The following LRRC7 variants were observed in gnomAD, a reference collection of about 807,000 sequenced individuals.
LRRC7 encodes the protein leucine-rich repeat-containing protein 7.
In LRRC7, 23 loss-of-function variants were observed where a neutral mutation model predicts 175.7. The observed-to-expected ratio is 0.13, with a 90% CI of 0.09 to 0.19. The LOEUF is 0.19. LRRC7 is among the 10% of genes least tolerant of loss of function. The probability of loss-of-function intolerance (pLI) is 1.00; values close to 1 mark genes in which losing one functional copy is unlikely to be tolerated. For synonymous variants in LRRC7, 685 were observed against 680.9 expected, an observed-to-expected ratio of 1.01 and a Z score of -0.09; for missense variants, 1,354 against 1,904.7, an observed-to-expected ratio of 0.71 and a Z score of 5.38.
In LRRC7 at chr1:70,143,235, C is replaced by T. The variant is rs1471431032; in HGVS notation, c.*21348C>T. 2.0e-5 allele frequency: 3 copies of T among 150,912 alleles called. No individual in the cohort carries two copies. Among genetic ancestry groups the T allele is most frequent in the Non-Finnish European group, 4.4e-5 (3 of 67,818 alleles). The allele number at this position is 150,912 out of a possible 1,614,324, so 9.3% of individuals were successfully genotyped here. A position where few individuals can be genotyped will look rare whatever the true frequency, so the allele number is the denominator to read the frequency against. On this transcript the variant is annotated 3_prime_UTR_variant, in exon 27 of 27. Coordinates refer to ENST00000651989, the MANE Select transcript of LRRC7 (RefSeq NM_001370785.2). Reference sequence around the variant, plus strand: ...TTTTTAATGATCTCTGACTTCACTACCATATGTGCAGCACAACAGTGACAT... The same window carrying T: ...TTTTTAATGATCTCTGACTTCACTATCATATGTGCAGCACAACAGTGACAT...
rs2102268598 is a variant in LRRC7 at position 70,131,385 on chromosome 1, A to T, written c.*9498A>T. 6.6e-6 allele frequency among the ~76,000 whole-genome samples: 1 copy of T among 152,306 alleles called. No homozygotes were observed. Among genetic ancestry groups the T allele is most frequent in the South Asian group, 2.1e-4 (1 of 4,830 alleles). ...CACAATCCCTTTATTACCTCATGGG[A>T]CCTTAATTTCCTTTCAAGTAAAACA... On this transcript the variant is annotated 3_prime_UTR_variant, in exon 27 of 27. Coordinates refer to ENST00000651989, the MANE Select transcript of LRRC7 (RefSeq NM_001370785.2).
intron 9 of LRRC7, among the ~76,000 whole-genome samples, chr1:69,985,987 T>A (rs1653903202): frequency 6.6e-6 from 1 of 152,230 alleles, no homozygotes; most frequent in African/African-American, 2.4e-5. Flanking sequence ...CTCAGTGGTA[T>A]ATGCCTATAG....
chr1:70,003,068 C>A (rs1474442233), intron 11 of LRRC7, among the ~76,000 whole-genome samples: 2 of 152,102 alleles, frequency 1.3e-5, no homozygotes, highest in Admixed American at 6.6e-5. Context: ...TTCAAGGCAC[C>A]AGCAAGGTAG....
intron 1 of LRRC7, among the ~76,000 whole-genome samples, chr1:69,595,030 T>C (rs1646784411): frequency 6.6e-6 from 1 of 152,022 alleles, no homozygotes; most frequent in African/African-American, 2.4e-5. Flanking sequence ...TTTTTACTGT[T>C]TACTATATAT....
At chr1:69,673,454 A>C (rs1306644857) in intron 1 of LRRC7, among the ~76,000 whole-genome samples, 3 of 152,140 alleles carry the variant, frequency 2.0e-5, no homozygotes, top group African/African-American at 7.2e-5. Flanking sequence ...ATTACATTTA[A>C]TCTCTCTTTG....
intron 7 of LRRC7, among the ~76,000 whole-genome samples, chr1:69,884,886 G>C (rs1298192936): frequency 3.5e-5 from 5 of 143,610 alleles, no homozygotes; most frequent in African/African-American, 1.3e-4. Context: ...TGTGGTTTTT[G>C]TCTTTGGCTC....
At chr1:69,836,594 C>G (rs1250495374) in intron 6 of LRRC7, among the ~76,000 whole-genome samples, 3 of 151,850 alleles carry the variant, frequency 2.0e-5, no homozygotes, top group Admixed American at 6.6e-5. Context: ...AAAATATGCT[C>G]TATTTTATTA....
chr1:69,848,469 A>G (rs1036079661), intron 7 of LRRC7, among the ~76,000 whole-genome samples: 1 of 152,112 alleles, frequency 6.6e-6, no homozygotes, highest in Non-Finnish European at 1.5e-5. Flanking sequence ...TTCATCAGAT[A>G]TATTTTATTA....
At chr1:69,974,949 TA>T (rs1652657444) in intron 8 of LRRC7, among the ~76,000 whole-genome samples, 1 of 152,210 alleles carries the variant, frequency 6.6e-6, no homozygotes, top group South Asian at 2.1e-4. Flanking sequence ...TGCAGTTATG[TA>T]AACTTCATCA....
rs188388967 is a variant in LRRC7, at chr1:69,852,344, G to A, written c.647+14061G>A. Among the ~76,000 whole-genome samples the A allele has an allele frequency of 2.6e-5, 4 of 152,260 alleles. No homozygotes were observed. The East Asian group carries it at 7.7e-4, about 29-fold the overall frequency. ...ATGTAGTATGGAAGGAAGTGCTTTA[G>A]TGCCTAGACTCATGCCAAGCACTTG... On this transcript the variant is annotated intron_variant, in intron 7 of 26. Coordinates refer to ENST00000651989, the MANE Select transcript of LRRC7 (RefSeq NM_001370785.2).
Position 70,085,765 on chromosome 1 carries a change from C to A in LRRC7, c.4453-3962C>A, listed in dbSNP as rs576698673. On this transcript the variant is annotated intron_variant, in intron 24 of 26. Coordinates refer to ENST00000651989, the MANE Select transcript of LRRC7 (RefSeq NM_001370785.2). ...TCTCTACTACCTTTCCTGCTGTTTTCCACAGTTCATCCCACTATCTGAAAT... is the reference window on the plus strand; with the variant it reads ...TCTCTACTACCTTTCCTGCTGTTTTACACAGTTCATCCCACTATCTGAAAT... 5.9e-5 allele frequency among the ~76,000 whole-genome samples: 9 copies of A among 152,278 alleles called. No homozygotes were observed. The South Asian group carries it at 1.9e-3, about 32-fold the overall frequency.
intron 8 of LRRC7, among the ~76,000 whole-genome samples, chr1:69,947,769 A>G (rs1013836315): frequency 6.6e-6 from 1 of 152,158 alleles, no homozygotes; most frequent in Non-Finnish European, 1.5e-5. Context: ...TACCAAACCT[A>G]TATATACTAT....
At chr1:70,095,271 T>C (rs1664306976) in intron 25 of LRRC7, among the ~76,000 whole-genome samples, 1 of 152,124 alleles carries the variant, frequency 6.6e-6, no homozygotes, top group African/African-American at 2.4e-5. Flanking sequence ...ATTTTATATA[T>C]AAAATGATTT....
At chr1:70,120,734 G>A (rs1666157929) in intron 26 of LRRC7, among the ~76,000 whole-genome samples, 1 of 152,050 alleles carries the variant, frequency 6.6e-6, no homozygotes, top group Non-Finnish European at 1.5e-5. Flanking sequence ...AACTGGCTCT[G>A]TTACCTCTAT....
chr1:69,706,322 G>C (rs1557625865), intron 2 of LRRC7, among the ~76,000 whole-genome samples: 1 of 152,114 alleles, frequency 6.6e-6, no homozygotes, highest in Non-Finnish European at 1.5e-5. Context: ...GAATTTTGCT[G>C]TCCTGTCCTC....
chr1:69,836,782 T>C (rs1283535400), intron 6 of LRRC7, among the ~76,000 whole-genome samples: 1 of 151,672 alleles, frequency 6.6e-6, no homozygotes, highest in South Asian at 2.1e-4. Context: ...TCTCCTTTAC[T>C]AGCAATATAC....
At chr1:69,775,317 G>T (rs1672692396) in intron 3 of LRRC7, among the ~76,000 whole-genome samples, 1 of 152,148 alleles carries the variant, frequency 6.6e-6, no homozygotes, top group South Asian at 2.1e-4. Flanking sequence ...GTTATTGAAT[G>T]TTTTAATATT....
chr1:69,887,917 A>G (rs1402071793), intron 7 of LRRC7, among the ~76,000 whole-genome samples: 1 of 146,910 alleles, frequency 6.8e-6, no homozygotes, highest in African/African-American at 2.6e-5. Context: ...GGTGCCTCTC[A>G]GTTAGGCTGC....
Position 69,645,654 on chromosome 1 carries a change from G to A in LRRC7, c.3-32727G>A, listed in dbSNP as rs187367859. Among the ~76,000 whole-genome samples the A allele has an allele frequency of 3.1e-3, 472 of 152,080 alleles. 2 individuals are homozygous for A. Among genetic ancestry groups the A allele is most frequent in the Non-Finnish European group, 5.5e-3 (377 of 67,964 alleles). On this transcript the variant is annotated intron_variant, in intron 1 of 26. Transcript: ENST00000651989. Reference sequence around the variant, plus strand: ...TGGAAACAGAGCACATGACTTTAGCGACTACACAATACTGCTTTTTTTAGA... The same window carrying A: ...TGGAAACAGAGCACATGACTTTAGCAACTACACAATACTGCTTTTTTTAGA...
Sources: gnomAD v4.1 joint callset for allele counts (sites outside exome capture counted in the v4.1 genomes callset) on GRCh38, gnomAD v4.1.1 for gene constraint, MANE v1.5 for transcripts, NCBI Gene and HGNC (gene_info 2026-07-23, HGNC 2026-07-21) for gene names.